Variants in HRAS observed in about 807,000 individuals in gnomAD.
HRAS encodes GTPase HRas.
A neutral mutation model predicts 19.8 loss-of-function variants in HRAS; 11 were observed. The observed-to-expected ratio is 0.55, with a 90% CI of 0.35 to 0.92. The LOEUF is 0.92. Ranked by LOEUF, HRAS falls within the 40% of genes least tolerant of loss-of-function variation. The probability of loss-of-function intolerance (pLI) is 0.01; values close to 1 mark genes in which losing one functional copy is unlikely to be tolerated. For synonymous variants in HRAS, 149 were observed against 105.5 expected, an observed-to-expected ratio of 1.41 and a Z score of -2.52; for missense variants, 204 against 255.9, an observed-to-expected ratio of 0.80 and a Z score of 1.38.
intron 4 of HRAS, 84 bp downstream of exon 4, chr11:533,369 G>A (rs727504926): frequency 1.9e-6 from 3 of 1,607,978 alleles, no homozygotes; most frequent in East Asian, 2.2e-5. Context: ...CTGTGTCAAG[G>A]GAGAGGGTCA....
At chr11:534,967 G>C (rs1048105213) in intron 1 of HRAS, among the ~76,000 whole-genome samples, 2 of 152,236 alleles carry the variant, frequency 1.3e-5, no homozygotes, top group Non-Finnish European at 2.9e-5. Flanking sequence ...CTGAGCGACA[G>C]GAAGGGGCCG....
chr11:535,014 C>G (rs1187076793), intron 1 of HRAS, among the ~76,000 whole-genome samples: 2 of 152,190 alleles, frequency 1.3e-5, no homozygotes, highest in Non-Finnish European at 2.9e-5. Flanking sequence ...GGAAAAGGCA[C>G]TGGGGCTGAG....
Position 532,377 on chromosome 11 carries a change from G to A in HRAS, c.*151C>T, listed in dbSNP as rs41303613. The A allele has an allele frequency of 4.6e-4, 266 of 583,412 alleles. No individual in the cohort carries two copies. Among genetic ancestry groups the A allele is most frequent in the Non-Finnish European group, 6.8e-4 (221 of 326,660 alleles). 36.1% of individuals were successfully genotyped at this position (583,412 alleles called of 1,614,324 possible). ...GACAGTCTGTGCACAGCCTCCCTGG[G>A]AGGGTCTGCAGTCACCTCGGCCCAC... On this transcript the variant is annotated 3_prime_UTR_variant, in exon 6 of 6. Transcript: ENST00000311189.
chr11:532,582 G>A (rs1400801941), intron 5 of HRAS, 49 bp downstream of exon 5: 2 of 1,583,642 alleles, frequency 1.3e-6, no homozygotes, highest in East Asian at 2.3e-5. Flanking sequence ...GGGGCGGGGA[G>A]CCGGGGTCAT....
rs765495099 is a variant in HRAS at position 533,511 on chromosome 11, T to C, written c.392A>G (p.Gln131Arg). 6.2e-7 allele frequency: 1 copy of C among 1,613,686 alleles called. No homozygotes were observed. The highest frequency in any genetic ancestry group is 1.1e-5 in the South Asian group (1 of 91,088). The change falls in exon 4 of 6, where the codon CAG becomes CGG. Residue 131 changes from glutamine to arginine, a missense_variant. Coordinates refer to ENST00000311189, the MANE Select transcript of HRAS (RefSeq NM_005343.4). ...AARTVESRQA[Q>R]DLARSYGIPY... ...GATGCCGTAGCTTCGGGCGAGGTCC[T>C]GAGCCTGCCGAGATTCCACAGTGCG...
rs1851163323 is a variant in HRAS, at chr11:532,523, C to T, written c.*6-1G>A. 5 of 1,428,794 alleles carry T rather than the reference C, an allele frequency of 3.5e-6. No homozygotes were observed. The African/African-American group carries it at 4.2e-5, about 12-fold the overall frequency. 88.5% of individuals were successfully genotyped at this position (1,428,794 alleles called of 1,614,324 possible). A position where few individuals can be genotyped will look rare whatever the true frequency, so the allele number is the denominator to read the frequency against. ...GGCACCTCCATGTCCTGAGCTTGTG[C>T]TGGGCGGGGCACAAGGGAGGCTGCT... On this transcript the variant is annotated splice_acceptor_variant, in intron 5 of 5. Coordinates refer to ENST00000311189, the MANE Select transcript of HRAS (RefSeq NM_005343.4). LOFTEE classifies it low-confidence loss of function (3UTR_SPLICE).
intron 1 of HRAS, 91 bp downstream of exon 1, chr11:535,325 C>T (rs1174253977): frequency 1.4e-5 from 2 of 146,366 alleles, no homozygotes; most frequent in Non-Finnish European, 3.0e-5. Flanking sequence ...TTACGCCCGC[C>T]GGCCCCGCGC....
At chr11:532,788 G>T (rs202082236) in intron 4 of HRAS, 33 bp from the exon 5 acceptor site, 21 of 1,606,730 alleles carry the variant, frequency 1.3e-5, no homozygotes, top group Non-Finnish European at 1.6e-5. Context: ...AGGAGGGACC[G>T]GCCTGTGGCC....
chr11:534,873 GCC>G (rs905073140), intron 1 of HRAS, among the ~76,000 whole-genome samples: 2 of 152,220 alleles, frequency 1.3e-5, no homozygotes, highest in African/African-American at 4.8e-5. Flanking sequence ...CCCGGGCAGC[GCC>G]CCGCACCCCC....
rs8176336 is a variant in HRAS at position 535,463 on chromosome 11, G to A, written c.-101C>T. ...CGGGGCCAGGGCCGGGGCCGAGGCC[G>A]GGGCGGGGCGGGGGCGGGGGCGCGC... On this transcript the variant is annotated 5_prime_UTR_variant, in exon 1 of 6. Transcript: ENST00000311189. 15,344 of 147,074 alleles carry A rather than the reference G, an allele frequency of 0.1. 906 individuals carry two copies. The highest frequency in any genetic ancestry group is 0.18 in the South Asian group (987 of 5,458). 9.1% of individuals were successfully genotyped at this position (147,074 alleles called of 1,614,324 possible).
chr11:534,799 G>A (rs547351022), intron 1 of HRAS, among the ~76,000 whole-genome samples: 62 of 152,322 alleles, frequency 4.1e-4, no homozygotes, highest in Middle Eastern at 3.4e-3. Context: ...CGCGGCGCTG[G>A]TGCCTCCGAC....
In HRAS at chr11:535,445, A is replaced by AGGGCCG. The variant is rs112488103; in HGVS notation, c.-89_-84dup. 2.0e-5 allele frequency: 3 copies of AGGGCCG among 146,660 alleles called. No individual in the cohort carries two copies. Among genetic ancestry groups the AGGGCCG allele is most frequent in the Admixed American group, 6.8e-5 (1 of 14,716 alleles). The allele number at this position is 146,660 out of a possible 1,614,324, so 9.1% of individuals were successfully genotyped here. ...CACAGGCGCGACTGCCCCCGGGGCC[A>AGGGCCG]GGGCCGGGGCCGAGGCCGGGGCGGG... On this transcript the variant is annotated 5_prime_UTR_variant, in exon 1 of 6. Coordinates refer to ENST00000311189, the MANE Select transcript of HRAS (RefSeq NM_005343.4).
intron 2 of HRAS, 29 bp from the exon 3 acceptor site, chr11:533,973 C>T: frequency 1.2e-6 from 2 of 1,605,406 alleles, no homozygotes; most frequent in African/African-American, 1.3e-5. Context: ...CAGGGACCCC[C>T]TCAGGACCTT....
At chr11:535,391 C>T (rs1178486973) in intron 1 of HRAS, 25 bp downstream of exon 1, 1 of 146,944 alleles carries the variant, frequency 6.8e-6, no homozygotes, top group African/African-American at 2.4e-5. Context: ...GGCGCGCGGC[C>T]CGGCCGATCC....
chr11:533,530 C>G lies in HRAS; in HGVS notation c.373G>C (p.Val125Leu), dbSNP rs2133987123. 6.2e-7 allele frequency: 1 copy of G among 1,613,862 alleles called. No individual in the cohort carries two copies. Among genetic ancestry groups the G allele is most frequent in the Non-Finnish European group, 8.5e-7 (1 of 1,179,996 alleles). Residue 125 changes from valine to leucine, a missense_variant, in exon 4 of 6, where the codon GTG (valine) becomes CTG (leucine). Around this residue, in one of 4 missense-constraint regions of HRAS, gnomAD observed 142 missense variants for 141.1 expected, o/e 1.01. Transcript: ENST00000311189. Reference sequence around the variant, plus strand: ...AGGTCCTGAGCCTGCCGAGATTCCACAGTGCGTGCAGCCAGGTCACACTTG... The same window carrying G: ...AGGTCCTGAGCCTGCCGAGATTCCAGAGTGCGTGCAGCCAGGTCACACTTG... ...GNKCDLAART[V>L]ESRQAQDLAR...
At chr11:533,284 G>T in intron 4 of HRAS, 169 bp downstream of exon 4, 25 of 1,592,968 alleles carry the variant, frequency 1.6e-5, no homozygotes, top group Non-Finnish European at 2.1e-5. Context: ...TACAGCGCGA[G>T]GGGCCGCTGG....
chr11:534,874 C>T (rs559255852), intron 1 of HRAS, among the ~76,000 whole-genome samples: 82 of 152,322 alleles, frequency 5.4e-4, no homozygotes, highest in African/African-American at 1.8e-3. Flanking sequence ...CCGGGCAGCG[C>T]CCCGCACCCC....
chr11:532,890 C>T (rs1851193544), intron 4 of HRAS, 135 bp from the exon 5 acceptor site: 1 of 865,084 alleles, frequency 1.2e-6, no homozygotes, highest in Non-Finnish European at 1.9e-6. Context: ...AGGCCCACCA[C>T]ACACACGGGA....
intron 4 of HRAS, among the ~76,000 whole-genome samples, 166 bp from the exon 5 acceptor site, chr11:532,921 G>A (rs567559698): frequency 6.2e-4 from 94 of 152,278 alleles, no homozygotes; most frequent in Middle Eastern, 3.4e-3. Flanking sequence ...TGGCCATCTC[G>A]AAGTGCCCAG....
Sources: allele counts gnomAD v4.1 joint callset (sites outside exome capture counted in the v4.1 genomes callset), GRCh38; gene constraint gnomAD v4.1.1; regional missense constraint gnomAD v4.1.1; transcripts MANE v1.5; gene names NCBI Gene and HGNC (gene_info 2026-07-23, HGNC 2026-07-21).